Variants in OPCML observed in about 807,000 individuals in gnomAD.
OPCML encodes the protein opioid-binding protein/cell adhesion molecule.
OPCML carries 13 observed loss-of-function variants against 37.8 expected under a neutral mutation model. The observed-to-expected ratio is 0.34, with a 90% confidence interval of 0.22 to 0.55. OPCML has a LOEUF of 0.55. OPCML is among the 20% of genes least tolerant of loss of function. OPCML has a pLI of 0.91. For missense variants in OPCML, 341 were observed against 435.6 expected (o/e 0.78, Z 1.93); for synonymous variants, 176 against 168.8 (o/e 1.04, Z -0.33).
chr11:133,262,754 G>A (rs891674111), intron 1 of OPCML, among the ~76,000 whole-genome samples: 2 of 152,070 alleles, frequency 1.3e-5, no homozygotes, highest in Admixed American at 6.5e-5. Context: ...GACATATGCA[G>A]AGTATTAGAG....
intron 1 of OPCML, among the ~76,000 whole-genome samples, chr11:133,061,635 A>G (rs993998667): frequency 4.6e-5 from 7 of 152,226 alleles, no homozygotes; most frequent in Non-Finnish European, 1.0e-4. Context: ...ACACTCATAC[A>G]TCAAAGGATT....
intron 1 of OPCML, among the ~76,000 whole-genome samples, chr11:133,485,381 A>T (rs2120385517): frequency 6.6e-6 from 1 of 152,280 alleles, no homozygotes; most frequent in East Asian, 1.9e-4. Flanking sequence ...GAATTTTTTT[A>T]ATGTCCTGAA....
chr11:132,598,409 C>T (rs1481804055), intron 3 of OPCML, among the ~76,000 whole-genome samples: 2 of 152,100 alleles, frequency 1.3e-5, no homozygotes, highest in Non-Finnish European at 2.9e-5. Context: ...ATGGGAGACA[C>T]GCAGATGCTC....
rs1273045947 is a variant in OPCML, at chr11:133,205,002, G to A, written c.62-261992C>T. 6.6e-6 allele frequency among the ~76,000 whole-genome samples: 1 copy of A among 150,802 alleles called. No individual in the cohort carries two copies. The highest frequency in any genetic ancestry group is 2.4e-5 in the African/African-American group (1 of 41,072). On this transcript the variant is annotated intron_variant, in intron 1 of 7. Coordinates refer to ENST00000524381, the MANE Select transcript of OPCML (RefSeq NM_001012393.5). This position sits in a 1 kb window ranked among gnomAD's most constrained non-coding sequence, Gnocchi z 4.8. ...CCAAACTGATAGTGTCTTCTTGCAG[G>A]CTAATGAGATGCCTGGCAGCTGGGG...
intron 1 of OPCML, chr11:133,118,040 C>T (rs1027770235): frequency 5.7e-6 from 4 of 698,292 alleles, no homozygotes; most frequent in African/African-American, 1.9e-5. Context: ...GTGAAGTTTC[C>T]CCAGCAGGTG....
intron 1 of OPCML, among the ~76,000 whole-genome samples, chr11:133,170,472 C>T (rs547920800): frequency 1.3e-5 from 2 of 151,418 alleles, no homozygotes; most frequent in South Asian, 2.1e-4. Flanking sequence ...GGCGACAGAG[C>T]GAGACTCCGT....
intron 3 of OPCML, among the ~76,000 whole-genome samples, chr11:132,602,377 T>C (rs1054271998): frequency 2.0e-5 from 3 of 152,222 alleles, no homozygotes; most frequent in African/African-American, 7.2e-5. Context: ...CTGCACCTCC[T>C]GTGAAAGGCA....
At chr11:133,421,507 T>C (rs1219663735) in intron 1 of OPCML, 1 of 985,318 alleles carries the variant, frequency 1.0e-6, no homozygotes, top group Non-Finnish European at 1.2e-6. Flanking sequence ...TAATTATTTT[T>C]CCTCTTCGGA....
chr11:133,060,312 G>T (rs539455836), intron 1 of OPCML, among the ~76,000 whole-genome samples: 1 of 152,134 alleles, frequency 6.6e-6, no homozygotes, highest in African/African-American at 2.4e-5. Flanking sequence ...GAACACAGAA[G>T]CTGTTAGAAG....
At chr11:132,584,764 A>G (rs935803279) in intron 3 of OPCML, among the ~76,000 whole-genome samples, 1 of 152,216 alleles carries the variant, frequency 6.6e-6, no homozygotes. Flanking sequence ...TAAATGTAAC[A>G]ATGTAATTGG....
intron 1 of OPCML, among the ~76,000 whole-genome samples, chr11:133,239,245 G>T (rs1485315302): frequency 6.6e-6 from 1 of 152,240 alleles, no homozygotes; most frequent in Admixed American, 6.5e-5. Flanking sequence ...CTGGTTGACT[G>T]AGCTGCTTGG....
intron 1 of OPCML, among the ~76,000 whole-genome samples, chr11:132,995,179 T>C (rs1946858544): frequency 6.6e-6 from 1 of 152,124 alleles, no homozygotes; most frequent in African/African-American, 2.4e-5. Context: ...CCAAGAAGAC[T>C]AAACGTGAGC....
intron 3 of OPCML, among the ~76,000 whole-genome samples, chr11:132,534,166 T>C (rs2096333978): frequency 6.6e-6 from 1 of 152,182 alleles, no homozygotes; most frequent in South Asian, 2.1e-4. Context: ...TCAGTTTTAA[T>C]GTCACGTCCT....
At chr11:133,438,980 T>C (rs1946301646) in intron 1 of OPCML, among the ~76,000 whole-genome samples, 3 of 152,174 alleles carry the variant, frequency 2.0e-5, no homozygotes. Context: ...TGCCTTGCCC[T>C]ACGAATCCCT....
chr11:132,680,378 T>G (rs1464182527), intron 2 of OPCML, among the ~76,000 whole-genome samples: 2 of 152,078 alleles, frequency 1.3e-5, no homozygotes, highest in Non-Finnish European at 2.9e-5. Flanking sequence ...GGGCAGGAAA[T>G]CTCTCCCAGA....
intron 1 of OPCML, among the ~76,000 whole-genome samples, chr11:133,370,489 A>AG (rs1944649236): frequency 6.6e-6 from 1 of 152,012 alleles, no homozygotes; most frequent in African/African-American, 2.4e-5. Flanking sequence ...AAACAGAAAA[A>AG]AAAAAAAAGG....
At chr11:133,458,599 G>A (rs1436696911) in intron 1 of OPCML, among the ~76,000 whole-genome samples, 1 of 96,760 alleles carries the variant, frequency 1.0e-5, no homozygotes, top group Non-Finnish European at 1.7e-5. Context: ...ATATACACGT[G>A]TGTGTGTGTA....
At chr11:132,505,913 G>A (rs1197312756) in intron 4 of OPCML, among the ~76,000 whole-genome samples, 1 of 151,670 alleles carries the variant, frequency 6.6e-6, no homozygotes, top group African/African-American at 2.4e-5. Context: ...ATCTATGTGT[G>A]TGCCTAATAA....
At chr11:133,409,198 C>T (rs1945592647) in intron 1 of OPCML, among the ~76,000 whole-genome samples, 1 of 152,142 alleles carries the variant, frequency 6.6e-6, no homozygotes, top group Admixed American at 6.5e-5. Flanking sequence ...GAAACTGGGG[C>T]ACAGAGAAAG....
Sources: allele counts gnomAD v4.1 joint callset (sites outside exome capture counted in the v4.1 genomes callset), GRCh38; gene constraint gnomAD v4.1.1; non-coding constraint Gnocchi (gnomAD v3.1); transcripts MANE v1.5; gene names NCBI Gene and HGNC (gene_info 2026-07-23, HGNC 2026-07-21).